The following PCDH15 variants were observed in gnomAD, a reference collection of about 807,000 sequenced individuals.
PCDH15 encodes protocadherin-15.
A neutral mutation model predicts 178.5 loss-of-function variants in PCDH15; 129 were observed. The ratio of observed to expected loss-of-function variants is 0.72; its 90% CI spans 0.63 to 0.84. PCDH15 has a LOEUF of 0.84. Ranked by LOEUF, PCDH15 falls within the 40% of genes least tolerant of loss-of-function variation. The probability of loss-of-function intolerance (pLI) is 0.00; values close to 1 mark genes in which losing one functional copy is unlikely to be tolerated. For missense variants in PCDH15, 2,230 were observed against 2,099.9 expected, an observed-to-expected ratio of 1.06 and a Z score of -1.21; for synonymous variants, 800 against 732.0, an observed-to-expected ratio of 1.09 and a Z score of -1.50.
intron 27 of PCDH15, among the ~76,000 whole-genome samples, chr10:53,861,346 A>T (rs1230674065): frequency 6.6e-6 from 1 of 152,170 alleles, no homozygotes; most frequent in Non-Finnish European, 1.5e-5. Flanking sequence ...ATTGAGATTG[A>T]TATTTGTAAT....
At chr10:54,268,539 A>G (rs982236819) in intron 8 of PCDH15, among the ~76,000 whole-genome samples, 1 of 151,988 alleles carries the variant, frequency 6.6e-6, no homozygotes, top group Non-Finnish European at 1.5e-5. Context: ...GATTGTATAA[A>G]GAAACTGTGA....
intron 8 of PCDH15, among the ~76,000 whole-genome samples, chr10:54,294,835 G>T (rs893429345): frequency 8.5e-5 from 13 of 152,100 alleles, no homozygotes; most frequent in African/African-American, 3.1e-4. Context: ...TTTGATAAAG[G>T]CATTGTGGTA....
intron 3 of PCDH15, among the ~76,000 whole-genome samples, chr10:54,442,147 T>C (rs1346268642): frequency 6.6e-6 from 1 of 151,260 alleles, no homozygotes; most frequent in Non-Finnish European, 1.5e-5. Context: ...TGGTCATGTA[T>C]GTAGGTAAAT....
chr10:54,550,165 T>C (rs1162943429), intron 2 of PCDH15, among the ~76,000 whole-genome samples: 1 of 152,172 alleles, frequency 6.6e-6, no homozygotes, highest in African/African-American at 2.4e-5. Context: ...TTTTTCCATG[T>C]TATCACCACA....
At chr10:55,465,866 T>C (rs1839821166) in intron 2 of PCDH15, among the ~76,000 whole-genome samples, 1 of 152,204 alleles carries the variant, frequency 6.6e-6, no homozygotes, top group Non-Finnish European at 1.5e-5. Flanking sequence ...TTCAATGGTA[T>C]TTCATATTTA....
At position 53,857,175 on chromosome 10, in the gene PCDH15, T is replaced by A. The variant is rs778684153; in HGVS notation, c.3806A>T (p.Glu1269Val). ...TATATAAGGAGACAAAATCAATTAC[T>A]CTGTAAGATCTTCTATCTTTTTTTC... ...LVEKKIEDLT[E>V]ILDRYVQEQI... The change falls in exon 28 of 38, where the codon GAG becomes GTG. Residue 1269 changes from glutamate (E) to valine (V), a missense_variant and splice_region_variant. Coordinates refer to ENST00000644397, the MANE Select transcript of PCDH15 (RefSeq NM_001384140.1). 1 of 1,578,782 alleles carries A rather than the reference T, an allele frequency of 6.3e-7. No individual in the cohort carries two copies.
At chr10:55,291,222 A>C (rs1842998716) in intron 1 of PCDH15, among the ~76,000 whole-genome samples, 1 of 152,196 alleles carries the variant, frequency 6.6e-6, no homozygotes, top group Non-Finnish European at 1.5e-5. Context: ...GAGAAAGTTA[A>C]GAAAATCTGA....
At chr10:54,189,459 A>C in intron 11 of PCDH15, 1 of 1,068,552 alleles carries the variant, frequency 9.4e-7, no homozygotes, top group Non-Finnish European at 1.3e-6. Context: ...GAAAAAGCAA[A>C]CCACTTCCAG....
Position 54,970,594 on chromosome 10 carries a change from G to C in PCDH15, c.-79-73094C>G, listed in dbSNP as rs1838906806. Among the ~76,000 whole-genome samples, 4 of 140,222 alleles carry C rather than the reference G, an allele frequency of 2.9e-5. No homozygotes were observed. In the South Asian group the frequency reaches 9.7e-4, roughly 34 times the overall value. 92.0% of individuals were successfully genotyped at this position (140,222 alleles called of 152,430 possible). ...TTTACCCATGGTTAACTTTGGTTTG[G>C]AAATATTAAATGGAAAATTCCCTTA... On this transcript the variant is annotated intron_variant, in intron 2 of 5. Coordinates refer to the PCDH15 transcript ENST00000458638.
intron 1 of PCDH15, among the ~76,000 whole-genome samples, chr10:55,207,841 C>T (rs1418459111): frequency 6.6e-6 from 1 of 152,000 alleles, no homozygotes; most frequent in Non-Finnish European, 1.5e-5. Context: ...TGGTGGCACA[C>T]ACCTGTAATT....
At chr10:53,849,816 G>A (rs972328119) in intron 28 of PCDH15, among the ~76,000 whole-genome samples, 1 of 135,318 alleles carries the variant, frequency 7.4e-6, no homozygotes, top group African/African-American at 2.8e-5. Context: ...AGCCGAGATC[G>A]CGCCACTGCA....
intron 14 of PCDH15, among the ~76,000 whole-genome samples, chr10:54,149,089 C>G (rs1192328631): frequency 6.6e-6 from 1 of 152,072 alleles, no homozygotes; most frequent in Non-Finnish European, 1.5e-5. Flanking sequence ...ACCTTTGAGG[C>G]TGTGCAAATA....
chr10:53,962,069 A>G (rs970308192), intron 21 of PCDH15, among the ~76,000 whole-genome samples, 177 bp from the exon 22 acceptor site: 4 of 84,206 alleles, frequency 4.8e-5, no homozygotes, highest in South Asian at 4.5e-4. Flanking sequence ...TGATAACTCA[A>G]TCTGAATCAA....
At chr10:54,960,261 C>T (rs1256855836) in intron 2 of PCDH15, among the ~76,000 whole-genome samples, 2 of 152,046 alleles carry the variant, frequency 1.3e-5, no homozygotes, top group African/African-American at 4.8e-5. Context: ...AGTGTGATTA[C>T]ATATAATATA....
intron 2 of PCDH15, among the ~76,000 whole-genome samples, chr10:54,983,594 A>G (rs1387641260): frequency 2.0e-5 from 3 of 152,114 alleles, no homozygotes; most frequent in Non-Finnish European, 2.9e-5. Flanking sequence ...TTTCTATCCC[A>G]AAGTTTCTCA....
intron 2 of PCDH15, among the ~76,000 whole-genome samples, chr10:55,020,678 T>C (rs1423717515): frequency 6.6e-6 from 1 of 152,168 alleles, no homozygotes; most frequent in African/African-American, 2.4e-5. Flanking sequence ...TGCATTCGCC[T>C]TTTCGTTCCT....
intron 2 of PCDH15, among the ~76,000 whole-genome samples, chr10:54,550,896 C>T (rs1283305330): frequency 1.3e-5 from 2 of 151,882 alleles, no homozygotes; most frequent in Non-Finnish European, 2.9e-5. Context: ...TGGCTCACAC[C>T]TGTAATCCCA....
chr10:54,866,573 G>A (rs918946510), intron 3 of PCDH15, among the ~76,000 whole-genome samples: 5 of 152,100 alleles, frequency 3.3e-5, no homozygotes, highest in African/African-American at 1.2e-4. Context: ...CTCATCCTAG[G>A]ATTAAAATGT....
At chr10:53,899,844 G>T (rs555801150) in intron 26 of PCDH15, among the ~76,000 whole-genome samples, 1 of 152,242 alleles carries the variant, frequency 6.6e-6, no homozygotes, top group Non-Finnish European at 1.5e-5. Flanking sequence ...AGGCTTCAAG[G>T]CTAAAGGCAG....
Sources: allele counts gnomAD v4.1 joint callset (sites outside exome capture counted in the v4.1 genomes callset), GRCh38; gene constraint gnomAD v4.1.1; transcripts MANE v1.5; gene names NCBI Gene and HGNC (gene_info 2026-07-23, HGNC 2026-07-21).